ARID1B: variants seen among roughly 807,000 people sequenced by gnomAD.
ARID1B encodes AT-rich interaction domain 1B.
In ARID1B, 30 loss-of-function variants were observed where a neutral mutation model predicts 212.3. That is an observed-to-expected ratio of 0.14 (90% confidence interval 0.11 to 0.19). ARID1B has a LOEUF of 0.19. Ranked by LOEUF, ARID1B falls within the 10% of genes least tolerant of loss-of-function variation. The pLI, the probability that ARID1B is intolerant of heterozygous loss-of-function variation, is 1.00. For missense variants in ARID1B, 2,891 were observed against 3,204.0 expected, an observed-to-expected ratio of 0.90 and a Z score of 2.36; for synonymous variants, 1,402 against 1,301.7, an observed-to-expected ratio of 1.08 and a Z score of -1.66.
At chr6:156,952,272 G>A (rs1793642732) in intron 4 of ARID1B, among the ~76,000 whole-genome samples, 1 of 152,124 alleles carries the variant, frequency 6.6e-6, no homozygotes, top group Admixed American at 6.5e-5. Context: ...GACTAGTGAT[G>A]GTCTAAATTT....
At position 156,779,198 on chromosome 6, in the gene ARID1B, C is replaced by G. The variant is rs747947340; in HGVS notation, c.1518C>G (p.Leu506=). The G allele has an allele frequency of 4.5e-6, 6 of 1,340,806 alleles. No individual in the cohort carries two copies. In the African/African-American group the frequency reaches 6.1e-5, roughly 14 times the overall value. 83.1% of individuals were successfully genotyped at this position (1,340,806 alleles called of 1,614,324 possible). ...CCACCCCGACCCTCAATCAGCTGCTCACCTCGCCCAGCCCCATGATGCGGA... is the reference window on the plus strand; with the variant it reads ...CCACCCCGACCCTCAATCAGCTGCTGACCTCGCCCAGCCCCATGATGCGGA... ...SGATPTLNQL[L]TSPSPMMRSY... is the part of the protein sequence containing the mutation. Residue 506 remains leucine (L), a synonymous_variant, in exon 1 of 20, where the codon CTC becomes CTG. Transcript: ENST00000636930.
chr6:157,160,304 C>T (rs1463300541), intron 8 of ARID1B, among the ~76,000 whole-genome samples: 1 of 152,214 alleles, frequency 6.6e-6, no homozygotes, highest in African/African-American at 2.4e-5. Context: ...TAAGCCCACG[C>T]TTTCCCCTGA....
intron 4 of ARID1B, among the ~76,000 whole-genome samples, chr6:157,021,545 G>A (rs1272100305): frequency 1.6e-4 from 24 of 152,294 alleles, no homozygotes; most frequent in African/African-American, 5.5e-4. Flanking sequence ...TAGGCTCGTG[G>A]GGGCGGGGAC....
chr6:157,077,517 C>A (rs1006740975), intron 4 of ARID1B, among the ~76,000 whole-genome samples: 1 of 152,168 alleles, frequency 6.6e-6, no homozygotes. Flanking sequence ...CCTCACTCTT[C>A]CTGCCCTTTG....
chr6:156,904,001 A>G (rs1233585050), intron 3 of ARID1B, among the ~76,000 whole-genome samples: 2 of 152,196 alleles, frequency 1.3e-5, no homozygotes, highest in East Asian at 1.9e-4. Flanking sequence ...TAACTAATCA[A>G]TACATTTATT....
chr6:157,181,232 A>G (rs2128318233), intron 12 of ARID1B, 54 bp downstream of exon 12: 1 of 1,585,440 alleles, frequency 6.3e-7, no homozygotes, highest in Non-Finnish European at 8.6e-7. Flanking sequence ...ATAAGTTCTT[A>G]CAGTGGCTTT....
At chr6:156,781,636 T>G (rs1330218629) in intron 1 of ARID1B, among the ~76,000 whole-genome samples, 1 of 152,142 alleles carries the variant, frequency 6.6e-6, no homozygotes. Context: ...CTTTAGTTAT[T>G]GGAGTTTTGC....
Position 157,094,906 on chromosome 6 carries a change from G to C in ARID1B, c.2491+10001G>C, listed in dbSNP as rs1785509951. Among the ~76,000 whole-genome samples, 1 of 152,164 alleles carries C rather than the reference G, an allele frequency of 6.6e-6. No individual in the cohort carries two copies. The highest frequency in any genetic ancestry group is 2.4e-5 in the African/African-American group (1 of 41,438). On this transcript the variant is annotated intron_variant, in intron 5 of 19. Coordinates refer to ENST00000636930, the MANE Select transcript of ARID1B (RefSeq NM_001374828.1). The surrounding 1 kb of genome is among the most constrained non-coding windows in gnomAD (Gnocchi z 4.3). ...GAAGGAATTGGTAAATGATGGTTCT[G>C]TACAGAAGACAGAGGAACACGTTTT...
At chr6:157,084,444 A>G (rs973372586) in intron 4 of ARID1B, among the ~76,000 whole-genome samples, 2 of 152,158 alleles carry the variant, frequency 1.3e-5, no homozygotes, top group Non-Finnish European at 2.9e-5. Context: ...GAGAAGTACA[A>G]CTTTACTCAT....
chr6:156,789,645 C>CTTGG (rs987719253), intron 1 of ARID1B, among the ~76,000 whole-genome samples: 1 of 152,136 alleles, frequency 6.6e-6, no homozygotes, highest in African/African-American at 2.4e-5. Context: ...TGAGCTAAGA[C>CTTGG]TTGGTTAATG....
chr6:157,119,927 C>T (rs966505045), intron 6 of ARID1B, among the ~76,000 whole-genome samples: 2 of 152,302 alleles, frequency 1.3e-5, no homozygotes, highest in South Asian at 4.1e-4. Flanking sequence ...CAAGCTTTAT[C>T]ACTAACTAGT....
At chr6:157,102,344 G>T (rs1432087046) in intron 5 of ARID1B, among the ~76,000 whole-genome samples, 1 of 152,150 alleles carries the variant, frequency 6.6e-6, no homozygotes, top group Non-Finnish European at 1.5e-5. Context: ...AAAACTACAA[G>T]TAATCATTTA....
intron 4 of ARID1B, among the ~76,000 whole-genome samples, chr6:157,065,039 AT>A (rs1583243071): frequency 6.6e-6 from 1 of 152,222 alleles, no homozygotes; most frequent in African/African-American, 2.4e-5. Flanking sequence ...GCAAATAGTT[AT>A]TTTTATAGAT....
chr6:156,868,388 G>A (rs1362558903), intron 2 of ARID1B, among the ~76,000 whole-genome samples: 1 of 152,198 alleles, frequency 6.6e-6, no homozygotes, highest in Non-Finnish European at 1.5e-5. Context: ...AATGCTGAAA[G>A]GGTTTATCTT....
At chr6:156,804,817 A>G (rs147845553) in intron 1 of ARID1B, among the ~76,000 whole-genome samples, 4 of 149,494 alleles carry the variant, frequency 2.7e-5, no homozygotes, top group Non-Finnish European at 5.9e-5. Context: ...TCCAGGGGTC[A>G]TAGAAACCAT....
intron 1 of ARID1B, among the ~76,000 whole-genome samples, chr6:156,811,880 G>GTA (rs1328895849): frequency 1.3e-5 from 2 of 152,220 alleles, no homozygotes; most frequent in Admixed American, 6.5e-5. Context: ...ATCAGTTGGG[G>GTA]TATATATATA....
chr6:156,934,579 T>G (rs565900502), intron 3 of ARID1B, among the ~76,000 whole-genome samples: 17 of 152,084 alleles, frequency 1.1e-4, no homozygotes, highest in Non-Finnish European at 2.4e-4. Context: ...TATATATGCG[T>G]GTTTATTGGT....
intron 2 of ARID1B, among the ~76,000 whole-genome samples, chr6:156,885,556 T>A (rs554783878): frequency 1.3e-5 from 2 of 152,202 alleles, no homozygotes; most frequent in Non-Finnish European, 2.9e-5. Context: ...CATCCTATAT[T>A]TTTTTCTGAC....
intron 3 of ARID1B, among the ~76,000 whole-genome samples, chr6:156,924,972 T>G (rs1033633854): frequency 2.6e-5 from 4 of 152,232 alleles, no homozygotes; most frequent in African/African-American, 9.6e-5. Flanking sequence ...GGCAACCATG[T>G]GGCTTCCTTT....
Sources: allele counts gnomAD v4.1 joint callset (sites outside exome capture counted in the v4.1 genomes callset), GRCh38; gene constraint gnomAD v4.1.1; non-coding constraint Gnocchi (gnomAD v3.1); transcripts MANE v1.5; gene names NCBI Gene and HGNC (gene_info 2026-07-23, HGNC 2026-07-21).